The following ZNF445 variants were observed in gnomAD, a reference collection of about 807,000 sequenced individuals.
ZNF445 encodes the protein zinc finger protein 168.
Under a neutral mutation model 93.9 loss-of-function variants are expected in ZNF445, and 19 were observed. The observed-to-expected ratio is 0.20, with a 90% confidence interval of 0.14 to 0.30. The LOEUF is 0.30. Among genes scored for constraint, ZNF445 ranks in the 10% least tolerant of loss-of-function variants. The pLI is 1.00. For missense variants in ZNF445, 1,058 were observed against 1,259.4 expected (o/e 0.84, Z 2.42); for synonymous variants, 449 against 446.3 (o/e 1.01, Z -0.08).
rs756850662 is a variant in ZNF445, at chr3:44,448,672, G to C, written c.999C>G (p.Thr333=). Residue 333 remains threonine, a synonymous_variant, in exon 8 of 8, where the codon ACC becomes ACG. Transcript: ENST00000396077. ...CAGGACATCCTGATGACACAGCTAA[G>C]GTTTCTGCTTCTTCCAAAGGTTCCT... is the stretch of plus-strand genomic sequence containing the variant. ...LNQEPLEEAE[T]LAVSSGCPAT... 2.5e-6 allele frequency: 4 copies of C among 1,613,990 alleles called. No individual in the cohort carries two copies. The South Asian group carries it at 3.3e-5, about 13-fold the overall frequency.
chr3:44,473,244 T>C (rs1259356334), intron 1 of ZNF445, among the ~76,000 whole-genome samples: 5 of 151,912 alleles, frequency 3.3e-5, no homozygotes, highest in Non-Finnish European at 5.9e-5. Flanking sequence ...CATCTGAGGT[T>C]GGGAGTTCGA....
chr3:44,467,799 G>T (rs1363515354), intron 1 of ZNF445, among the ~76,000 whole-genome samples: 1 of 152,130 alleles, frequency 6.6e-6, no homozygotes, highest in East Asian at 1.9e-4. Flanking sequence ...TAAAAATGGG[G>T]ATTGGAGAGA....
chr3:44,470,628 GCTC>G (rs1288402751), intron 1 of ZNF445, among the ~76,000 whole-genome samples: 3 of 152,196 alleles, frequency 2.0e-5, no homozygotes, highest in African/African-American at 7.2e-5. Flanking sequence ...GCACATAAAA[GCTC>G]CTAAGCCTCA....
intron 1 of ZNF445, among the ~76,000 whole-genome samples, chr3:44,477,267 CTACTTT>C (rs1698374983): frequency 6.6e-6 from 1 of 152,216 alleles, no homozygotes; most frequent in Non-Finnish European, 1.5e-5. Flanking sequence ...AGGATTGCGG[CTACTTT>C]TACTTTTCTT....
chr3:44,476,149 CAAA>C (rs1276343224), intron 1 of ZNF445, among the ~76,000 whole-genome samples: 4 of 152,154 alleles, frequency 2.6e-5, no homozygotes, highest in Non-Finnish European at 5.9e-5. Context: ...GTTTCTAATA[CAAA>C]ATCTTGAAAA....
rs1048894126 is a variant in ZNF445, at chr3:44,444,897, C to G, written c.*1678G>C. Reference sequence around the variant, plus strand: ...TCAGGACACTGCTCTACTATTAAAACATTTTATCCTTTCATTCATAATCTG... The same window carrying G: ...TCAGGACACTGCTCTACTATTAAAAGATTTTATCCTTTCATTCATAATCTG... On this transcript the variant is annotated 3_prime_UTR_variant, in exon 8 of 8. Coordinates refer to ENST00000396077, the MANE Select transcript of ZNF445 (RefSeq NM_181489.6). The G allele has an allele frequency of 1.3e-5, 2 of 152,250 alleles. No homozygotes were observed. Among genetic ancestry groups the G allele is most frequent in the African/African-American group, 4.8e-5 (2 of 41,470 alleles). 9.4% of individuals were successfully genotyped at this position (152,250 alleles called of 1,614,324 possible). A position where few individuals can be genotyped will look rare whatever the true frequency, so the allele number is the denominator to read the frequency against.
chr3:44,469,348 C>T (rs1698235190), intron 1 of ZNF445, among the ~76,000 whole-genome samples: 1 of 152,200 alleles, frequency 6.6e-6, no homozygotes, highest in Admixed American at 6.5e-5. Flanking sequence ...ACTCCACAGT[C>T]TACACAGGTG....
Position 44,448,607 on chromosome 3 carries a change from A to G in ZNF445, c.1064T>C (p.Phe355Ser). The change falls in exon 8 of 8, where the codon TTT becomes TCT. Residue 355 changes from phenylalanine to serine, a missense_variant. Physicochemically the swap from Phe to Ser is radical, Grantham distance 155 (BLOSUM62 -2). Around this residue, in one of 3 missense-constraint regions of ZNF445, gnomAD observed 657 missense variants for 746.4 expected, o/e 0.88. Coordinates refer to ENST00000396077, the MANE Select transcript of ZNF445 (RefSeq NM_181489.6). ...VSEGIGLRES[F>S]QQKSRQKDQC... Reference sequence around the variant, plus strand: ...ATCCTTCTGCCTGCTCTTCTGTTGAAAAGATTCTCTGAGCCCAATTCCCTC... The same window carrying G: ...ATCCTTCTGCCTGCTCTTCTGTTGAGAAGATTCTCTGAGCCCAATTCCCTC... 1 of 1,614,164 alleles carries G rather than the reference A, an allele frequency of 6.2e-7. No homozygotes were observed. Among genetic ancestry groups the G allele is most frequent in the African/African-American group, 1.3e-5 (1 of 75,054 alleles).
At position 44,477,605 on chromosome 3, in the gene ZNF445, G is replaced by A. The variant is rs1335276412; in HGVS notation, c.-283C>T. On this transcript the variant is annotated 5_prime_UTR_variant, in exon 1 of 8. Transcript: ENST00000396077. ...AGGCCTCTCACCGACTCCCGCCGCC[G>A]AGCGACAATCGGTCCACCCGCCGCC... is the stretch of plus-strand genomic sequence containing the variant. 3 of 150,718 alleles carry A rather than the reference G, an allele frequency of 2.0e-5. No homozygotes were observed. Among genetic ancestry groups the A allele is most frequent in the Non-Finnish European group, 4.4e-5 (3 of 67,728 alleles). 9.3% of individuals were successfully genotyped at this position (150,718 alleles called of 1,614,324 possible). A position where few individuals can be genotyped will look rare whatever the true frequency, so the allele number is the denominator to read the frequency against.
rs1305425523 is a variant in ZNF445 at position 44,446,717 on chromosome 3, T to G, written c.2954A>C (p.Lys985Thr). 1 of 1,614,236 alleles carries G rather than the reference T, an allele frequency of 6.2e-7. No individual in the cohort carries two copies. Residue 985 changes from lysine (K) to threonine (T), a missense_variant, in exon 8 of 8, where the codon AAA (lysine) becomes ACA (threonine). Physicochemically the swap from Lys to Thr is moderately conservative, Grantham distance 78. Around this residue, in one of 3 missense-constraint regions of ZNF445, gnomAD observed 387 missense variants for 475.7 expected, o/e 0.81. Transcript: ENST00000396077. The surrounding 1 kb of genome is among the most constrained non-coding windows in gnomAD (Gnocchi z 4.2). Reference sequence around the variant, plus strand: ...GAGTTGTGAACTCTTGTTAAAAGTTTTCCCACATATGCTGCATTTGTGGCA... The same window carrying G: ...GAGTTGTGAACTCTTGTTAAAAGTTGTCCCACATATGCTGCATTTGTGGCA... Reference protein sequence around the residue: ...KKCHKCSICGKTFNKSSQLIS... With the variant: ...KKCHKCSICGTTFNKSSQLIS...
At chr3:44,458,606 G>T (rs561695479) in intron 1 of ZNF445, among the ~76,000 whole-genome samples, 3 of 152,208 alleles carry the variant, frequency 2.0e-5, no homozygotes, top group African/African-American at 7.2e-5. Context: ...GAGTGATAAA[G>T]GTAAGACAGC....
chr3:44,461,627 T>C (rs1466890205), intron 1 of ZNF445, among the ~76,000 whole-genome samples: 7 of 152,176 alleles, frequency 4.6e-5, no homozygotes, highest in Admixed American at 2.6e-4. Flanking sequence ...CATTCATAGG[T>C]TGTCCTTTCC....
intron 2 of ZNF445, among the ~76,000 whole-genome samples, chr3:44,456,647 C>T (rs1444311739): frequency 6.6e-6 from 1 of 152,108 alleles, no homozygotes; most frequent in African/African-American, 2.4e-5. Context: ...TTTTAAATAT[C>T]AAATGTGATT....
rs1697584085 is a variant in ZNF445 at position 44,432,738 on chromosome 3, C to T, written c.*13837G>A. The stretch of plus-strand genomic sequence containing the variant: ...CCTTGTGGCTCAGCCAAGTTGACAC[C>T]TAAAATTTACCCTCACACTCCAGTC... On this transcript the variant is annotated 3_prime_UTR_variant, in exon 8 of 8. Coordinates refer to ENST00000396077, the MANE Select transcript of ZNF445 (RefSeq NM_181489.6). The T allele has an allele frequency of 1.3e-5, 2 of 152,184 alleles. No homozygotes were observed. The highest frequency in any genetic ancestry group is 2.1e-4 in the South Asian group (1 of 4,828). 9.4% of individuals were successfully genotyped at this position (152,184 alleles called of 1,614,324 possible). A position where few individuals can be genotyped will look rare whatever the true frequency, so the allele number is the denominator to read the frequency against.
intron 1 of ZNF445, among the ~76,000 whole-genome samples, chr3:44,459,212 T>C (rs994593161): frequency 1.3e-5 from 2 of 152,192 alleles, no homozygotes; most frequent in African/African-American, 4.8e-5. Flanking sequence ...GTTTATTGTA[T>C]CGTTTACAAC....
intron 1 of ZNF445, among the ~76,000 whole-genome samples, chr3:44,471,332 A>G (rs1175950458): frequency 6.6e-6 from 1 of 152,238 alleles, no homozygotes; most frequent in African/African-American, 2.4e-5. Flanking sequence ...AAATATGCCC[A>G]TAAATAGCCA....
intron 7 of ZNF445, among the ~76,000 whole-genome samples, chr3:44,448,966 T>C (rs898370510): frequency 1.3e-5 from 2 of 152,050 alleles, no homozygotes; most frequent in African/African-American, 4.8e-5. Flanking sequence ...AGACGTCACA[T>C]CCAGCAGGGA....
chr3:44,448,836 T>G lies in ZNF445; in HGVS notation c.932-97A>C, dbSNP rs923262393. 5.8e-6 allele frequency: 8 copies of G among 1,385,400 alleles called. No individual in the cohort carries two copies. The African/African-American group carries it at 1.0e-4, about 18-fold the overall frequency. 85.8% of individuals were successfully genotyped at this position (1,385,400 alleles called of 1,614,324 possible). A position where few individuals can be genotyped will look rare whatever the true frequency, so the allele number is the denominator to read the frequency against. ...AATAAAATGTCTGGGTGGTGAGGCTTTTGCCTGACTGCCAATACCTTTATA... is the reference window on the plus strand; with the variant it reads ...AATAAAATGTCTGGGTGGTGAGGCTGTTGCCTGACTGCCAATACCTTTATA... On this transcript the variant is annotated intron_variant, in intron 7 of 7. Coordinates refer to ENST00000396077, the MANE Select transcript of ZNF445 (RefSeq NM_181489.6).
chr3:44,442,613 C>A lies in ZNF445; in HGVS notation c.*3962G>T, dbSNP rs1189396115. ...ACAGAAAGACCTTCAAATACCCACT[C>A]CAGCCATCTGGCTCTCCTCAACCCC... On this transcript the variant is annotated 3_prime_UTR_variant, in exon 8 of 8. Transcript: ENST00000396077. 6.6e-6 allele frequency: 1 copy of A among 152,222 alleles called. No individual in the cohort carries two copies. The highest frequency in any genetic ancestry group is 2.4e-5 in the African/African-American group (1 of 41,424). The allele number at this position is 152,222 out of a possible 1,614,324, so 9.4% of individuals were successfully genotyped here.
Sources: gnomAD v4.1 joint callset for allele counts (sites outside exome capture counted in the v4.1 genomes callset) on GRCh38, gnomAD v4.1.1 for gene constraint, gnomAD v4.1.1 regional missense constraint, Gnocchi (gnomAD v3.1) non-coding constraint, MANE v1.5 for transcripts, NCBI Gene and HGNC (gene_info 2026-07-23, HGNC 2026-07-21) for gene names.